KIF13A: variants seen among roughly 807,000 people sequenced by gnomAD.
KIF13A encodes the protein kinesin family member 13A.
A neutral mutation model predicts 212.2 loss-of-function variants in KIF13A; 79 were observed. The ratio of observed to expected loss-of-function variants is 0.37; its 90% CI spans 0.31 to 0.45. The LOEUF is 0.45. Among genes scored for constraint, KIF13A ranks in the 20% least tolerant of loss-of-function variants. The probability of loss-of-function intolerance (pLI) is 1.00; values close to 1 mark genes in which losing one functional copy is unlikely to be tolerated. For missense variants in KIF13A, 1,901 were observed against 2,209.0 expected (o/e 0.86, Z 2.79); for synonymous variants, 789 against 808.6 (o/e 0.98, Z 0.41).
chr6:17,979,477 T>C (rs145206998), intron 2 of KIF13A, among the ~76,000 whole-genome samples: 81 of 152,278 alleles, frequency 5.3e-4, no homozygotes, highest in African/African-American at 1.8e-3. Flanking sequence ...TTAATAATAA[T>C]AGTAACTGCA....
At chr6:17,931,833 C>T (rs2150537391) in intron 2 of KIF13A, among the ~76,000 whole-genome samples, 1 of 152,112 alleles carries the variant, frequency 6.6e-6, no homozygotes, top group Non-Finnish European at 1.5e-5. Context: ...GAAAAAAATG[C>T]AGAAAGTATA....
intron 2 of KIF13A, among the ~76,000 whole-genome samples, chr6:17,902,863 C>T (rs1446311338): frequency 1.3e-5 from 2 of 152,180 alleles, no homozygotes; most frequent in Non-Finnish European, 2.9e-5. Context: ...TCCCTGTCCC[C>T]AATCCCATCT....
At chr6:17,945,959 G>T (rs1777353333) in intron 2 of KIF13A, among the ~76,000 whole-genome samples, 1 of 152,100 alleles carries the variant, frequency 6.6e-6, no homozygotes, top group South Asian at 2.1e-4. Flanking sequence ...AGGATAATAG[G>T]TTATCTTGAT....
At chr6:17,983,903 T>C (rs964157441) in intron 2 of KIF13A, among the ~76,000 whole-genome samples, 4 of 152,194 alleles carry the variant, frequency 2.6e-5, no homozygotes, top group African/African-American at 9.7e-5. Context: ...GACTCTCTCC[T>C]CGTCTTGCAA....
chr6:17,821,862 A>AG (rs1294524269), intron 16 of KIF13A: 1 of 1,535,302 alleles, frequency 6.5e-7, no homozygotes, highest in Non-Finnish European at 8.7e-7. Flanking sequence ...AAGACCACCA[A>AG]GGGGATGACC....
intron 16 of KIF13A, among the ~76,000 whole-genome samples, chr6:17,824,894 A>G (rs866420792): frequency 6.6e-6 from 1 of 152,144 alleles, no homozygotes; most frequent in Non-Finnish European, 1.5e-5. Flanking sequence ...AGGTGCCCCA[A>G]GATCAGATGA....
In KIF13A at chr6:17,794,118, T is replaced by A. The variant is rs570882482; in HGVS notation, c.3222+131A>T. The A allele has an allele frequency of 2.2e-3, 1,372 of 628,102 alleles. 3 individuals carry two copies. Among genetic ancestry groups the A allele is most frequent in the Middle Eastern group, 3.5e-3 (8 of 2,304 alleles). The allele number at this position is 628,102 out of a possible 1,614,324, so 38.9% of individuals were successfully genotyped here. ...GATTTTAAAGCTAGAAAAAAGGCAATGGATGGAAATGTGAACTGGGGGAAG... is the reference window on the plus strand; with the variant it reads ...GATTTTAAAGCTAGAAAAAAGGCAAAGGATGGAAATGTGAACTGGGGGAAG... On this transcript the variant is annotated intron_variant, in intron 25 of 38. Coordinates refer to ENST00000259711, the MANE Select transcript of KIF13A (RefSeq NM_022113.6). This position sits in a 1 kb window ranked among gnomAD's most constrained non-coding sequence, Gnocchi z 4.1.
In KIF13A at chr6:17,785,284, A is replaced by G. The variant is rs902577677; in HGVS notation, c.3488+231T>C. On this transcript the variant is annotated intron_variant, in intron 28 of 38. Transcript: ENST00000259711. This position sits in a 1 kb window ranked among gnomAD's most constrained non-coding sequence, Gnocchi z 5.8. ...TTATGCAGAGGAACAGAGGAGTGGT[A>G]TGTGATTCCTGGCCAGGTAATCAAT... Among the ~76,000 whole-genome samples, 3 of 152,366 alleles carry G rather than the reference A, an allele frequency of 2.0e-5. No individual in the cohort carries two copies. The highest frequency in any genetic ancestry group is 2.9e-5 in the Non-Finnish European group (2 of 68,042).
intron 9 of KIF13A, among the ~76,000 whole-genome samples, chr6:17,845,683 T>C (rs564779180): frequency 2.0e-5 from 3 of 152,332 alleles, no homozygotes; most frequent in Admixed American, 1.3e-4. Flanking sequence ...AAAGGCTTCC[T>C]CATTCCACCT....
intron 2 of KIF13A, among the ~76,000 whole-genome samples, chr6:17,920,458 C>G (rs904692169): frequency 1.3e-5 from 2 of 152,156 alleles, no homozygotes; most frequent in Non-Finnish European, 2.9e-5. Context: ...TGGTCTGGGC[C>G]TTTTGGTTAG....
Position 17,816,274 on chromosome 6 carries a change from G to C in KIF13A, c.2000+746C>G, listed in dbSNP as rs979297985. On this transcript the variant is annotated intron_variant, in intron 17 of 38. Transcript: ENST00000259711. This position sits in a 1 kb window ranked among gnomAD's most constrained non-coding sequence, Gnocchi z 4.3. Reference sequence around the variant, plus strand: ...GCTGGAGTGTGGTGGCATGATCGCAGCTCACTAAAGCCTTGATCTCTGGGG... The same window carrying C: ...GCTGGAGTGTGGTGGCATGATCGCACCTCACTAAAGCCTTGATCTCTGGGG... Among the ~76,000 whole-genome samples, 13 of 151,936 alleles carry C rather than the reference G, an allele frequency of 8.6e-5. No homozygotes were observed. Among genetic ancestry groups the C allele is most frequent in the Admixed American group, 1.3e-4 (2 of 15,230 alleles).
intron 2 of KIF13A, among the ~76,000 whole-genome samples, chr6:17,975,598 GT>G (rs1780341765): frequency 6.6e-6 from 1 of 152,186 alleles, no homozygotes; most frequent in Admixed American, 6.5e-5. Context: ...ACTGCCGCTA[GT>G]TCGGGCAGCC....
Position 17,966,443 on chromosome 6 carries a change from ATTT to A in KIF13A, c.146+20608_146+20610del, listed in dbSNP as rs543132119. ...AAACAGTTAATATTCAAGACTCTGAATTTTTTTTTTTTTTTTTTTTGACAGTGA... is the reference window on the plus strand; with the variant it reads ...AAACAGTTAATATTCAAGACTCTGAATTTTTTTTTTTTTTTTTGACAGTGA... On this transcript the variant is annotated intron_variant, in intron 2 of 38. Coordinates refer to ENST00000259711, the MANE Select transcript of KIF13A (RefSeq NM_022113.6). Among the ~76,000 whole-genome samples, 1,069 of 116,030 alleles carry A rather than the reference ATTT, an allele frequency of 9.2e-3. 7 individuals are homozygous for A. The highest frequency in any genetic ancestry group is 0.011 in the Admixed American group (113 of 10,302). 76.1% of individuals were successfully genotyped at this position (116,030 alleles called of 152,430 possible).
In KIF13A at chr6:17,817,151, C is replaced by T; in HGVS notation, c.1869G>A (p.Met623Ile). 6.2e-7 allele frequency: 1 copy of T among 1,613,982 alleles called. No homozygotes were observed. The highest frequency in any genetic ancestry group is 8.5e-7 in the Non-Finnish European group (1 of 1,179,826). ...KRSALEEQRLMYERELEQLRQ... is the reference protein window; with the variant it reads ...KRSALEEQRLIYERELEQLRQ... ...GGAGTTGCTCCAGTTCCCGCTCATACATGAGCCGCTGCTCCTCTAGGGCAC... is the reference window on the plus strand; with the variant it reads ...GGAGTTGCTCCAGTTCCCGCTCATATATGAGCCGCTGCTCCTCTAGGGCAC... Residue 623 changes from methionine to isoleucine, a missense_variant, in exon 17 of 39, where the codon ATG becomes ATA. Coordinates refer to ENST00000259711, the MANE Select transcript of KIF13A (RefSeq NM_022113.6).
intron 16 of KIF13A, among the ~76,000 whole-genome samples, chr6:17,818,686 T>C (rs1317007310): frequency 1.3e-5 from 2 of 152,164 alleles, no homozygotes; most frequent in Non-Finnish European, 2.9e-5. Flanking sequence ...ATCATCCCGA[T>C]TTTAAAAATG....
Position 17,892,677 on chromosome 6 carries a change from T to C in KIF13A, c.159+5491A>G, listed in dbSNP as rs1413077343. 6.6e-6 allele frequency among the ~76,000 whole-genome samples: 1 copy of C among 152,146 alleles called. No homozygotes were observed. The highest frequency in any genetic ancestry group is 6.5e-5 in the Admixed American group (1 of 15,270). The stretch of plus-strand genomic sequence containing the variant: ...TAGAGACTGAGTTCAATGGATTCAA[T>C]CAATTATGCCTATGTGATGGAGCCT... On this transcript the variant is annotated intron_variant, in intron 3 of 38. Coordinates refer to ENST00000259711, the MANE Select transcript of KIF13A (RefSeq NM_022113.6). This position sits in a 1 kb window ranked among gnomAD's most constrained non-coding sequence, Gnocchi z 4.7.
chr6:17,945,520 T>A (rs76257159), intron 2 of KIF13A, among the ~76,000 whole-genome samples: 9,877 of 152,066 alleles, frequency 0.065, 366 homozygotes, highest in Middle Eastern at 0.092. Flanking sequence ...CCACTTGTGA[T>A]AGAAAAAAAA....
chr6:17,981,432 T>C (rs1042463764), intron 2 of KIF13A, among the ~76,000 whole-genome samples: 2 of 149,326 alleles, frequency 1.3e-5, no homozygotes, highest in African/African-American at 4.9e-5. Flanking sequence ...TTTTCTTTTT[T>C]TTTTTTTTTT....
chr6:17,983,190 G>A (rs907610811), intron 2 of KIF13A, among the ~76,000 whole-genome samples: 78 of 137,600 alleles, frequency 5.7e-4, no homozygotes, highest in Non-Finnish European at 6.1e-4. Context: ...AAAAAAAAAA[G>A]AAAGCTACCA....
Sources: allele counts gnomAD v4.1 joint callset (sites outside exome capture counted in the v4.1 genomes callset), GRCh38; gene constraint gnomAD v4.1.1; non-coding constraint Gnocchi (gnomAD v3.1); transcripts MANE v1.5; gene names NCBI Gene and HGNC (gene_info 2026-07-23, HGNC 2026-07-21).